The following PTPRM variants were observed in gnomAD, a reference collection of about 807,000 sequenced individuals.
PTPRM encodes the protein protein tyrosine phosphatase receptor type M, also known as receptor-type tyrosine-protein phosphatase mu.
In PTPRM, 47 loss-of-function variants were observed where a neutral mutation model predicts 186.7. That is an observed-to-expected ratio of 0.25 (90% confidence interval 0.20 to 0.32). The LOEUF (loss-of-function observed/expected upper bound fraction) is 0.32, where lower values mean the gene tolerates loss of function less well. Among genes scored for constraint, PTPRM ranks in the 10% least tolerant of loss-of-function variants. The probability of loss-of-function intolerance (pLI) is 1.00; values close to 1 mark genes in which losing one functional copy is unlikely to be tolerated. For missense variants in PTPRM, 1,494 were observed against 1,865.0 expected, an observed-to-expected ratio of 0.80 and a Z score of 3.66; for synonymous variants, 668 against 674.9, an observed-to-expected ratio of 0.99 and a Z score of 0.16.
chr18:7,628,307 C>T (rs2038109496), intron 1 of PTPRM, among the ~76,000 whole-genome samples: 1 of 151,722 alleles, frequency 6.6e-6, no homozygotes, highest in Non-Finnish European at 1.5e-5. Context: ...AATCCAGAAA[C>T]AAAAAAAGAT....
At chr18:8,352,531 A>G (rs2095539589) in intron 23 of PTPRM, among the ~76,000 whole-genome samples, 1 of 150,874 alleles carries the variant, frequency 6.6e-6, no homozygotes, top group South Asian at 2.1e-4. Flanking sequence ...AAGTGAGAAC[A>G]TAGTATATTT....
At chr18:7,622,552 A>T (rs1021262872) in intron 1 of PTPRM, among the ~76,000 whole-genome samples, 1 of 152,106 alleles carries the variant, frequency 6.6e-6, no homozygotes, top group Non-Finnish European at 1.5e-5. Context: ...ACCCTAGATA[A>T]ATACCTTGGG....
chr18:8,285,605 C>T (rs562477830), intron 19 of PTPRM, among the ~76,000 whole-genome samples: 37 of 152,312 alleles, frequency 2.4e-4, no homozygotes, highest in African/African-American at 7.2e-4. Context: ...CCTCAGGCTC[C>T]GAAGTAGTCA....
intron 19 of PTPRM, among the ~76,000 whole-genome samples, chr18:8,274,423 A>G (rs970618364): frequency 2.0e-5 from 3 of 152,220 alleles, no homozygotes; most frequent in Non-Finnish European, 2.9e-5. Flanking sequence ...CCCATAAAAT[A>G]AATAAATGAT....
intron 19 of PTPRM, among the ~76,000 whole-genome samples, chr18:8,289,807 G>T (rs11876028): frequency 6.6e-6 from 1 of 151,780 alleles, no homozygotes; most frequent in Non-Finnish European, 1.5e-5. Flanking sequence ...GCAATAAAAA[G>T]TGGCCAGAGA....
At chr18:7,976,677 G>A (rs2054966683) in intron 7 of PTPRM, among the ~76,000 whole-genome samples, 1 of 152,194 alleles carries the variant, frequency 6.6e-6, no homozygotes, top group South Asian at 2.1e-4. Flanking sequence ...GCCACGAACT[G>A]TGGAAGACTA....
chr18:7,656,992 T>C (rs1214784930), intron 1 of PTPRM, among the ~76,000 whole-genome samples: 3 of 152,124 alleles, frequency 2.0e-5, no homozygotes, highest in Non-Finnish European at 4.4e-5. Flanking sequence ...GTATCTCCAT[T>C]TTCCTTTGGA....
rs1598509593 is a variant in PTPRM, at chr18:8,379,156, T to G, written c.3613-11T>G. ...CTTCTTGTCCTCATGTTCCTTTCTT[T>G]TCTCACGCAGACGCTAAACATGGTG... On this transcript the variant is annotated splice_polypyrimidine_tract_variant and intron_variant, in intron 27 of 32. Coordinates refer to ENST00000580170, the MANE Select transcript of PTPRM (RefSeq NM_001105244.2). 6.4e-7 allele frequency: 1 copy of G among 1,574,706 alleles called. No individual in the cohort carries two copies. The highest frequency in any genetic ancestry group is 8.6e-7 in the Non-Finnish European group (1 of 1,158,564).
chr18:8,156,266 A>T (rs1017184946), intron 14 of PTPRM, among the ~76,000 whole-genome samples: 7 of 152,188 alleles, frequency 4.6e-5, no homozygotes, highest in Admixed American at 3.3e-4. Flanking sequence ...ATTTTATTTT[A>T]AAAAAAGAGT....
intron 14 of PTPRM, among the ~76,000 whole-genome samples, chr18:8,156,649 A>G (rs906182894): frequency 4.6e-5 from 7 of 152,200 alleles, no homozygotes; most frequent in African/African-American, 1.7e-4. Context: ...ACCCTGGCTC[A>G]GGCAAGTAAA....
At chr18:7,713,452 C>T (rs1182712591) in intron 1 of PTPRM, among the ~76,000 whole-genome samples, 4 of 152,118 alleles carry the variant, frequency 2.6e-5, no homozygotes, top group Non-Finnish European at 5.9e-5. Flanking sequence ...TATGAAGAAA[C>T]TGCATCAACT....
At chr18:7,645,213 G>A (rs1356323197) in intron 1 of PTPRM, among the ~76,000 whole-genome samples, 1 of 152,086 alleles carries the variant, frequency 6.6e-6, no homozygotes, top group African/African-American at 2.4e-5. Context: ...TAATGTAAAA[G>A]CCACCTTTTA....
chr18:7,798,762 G>C (rs983660955), intron 2 of PTPRM, among the ~76,000 whole-genome samples: 1 of 151,766 alleles, frequency 6.6e-6, no homozygotes, highest in Admixed American at 6.6e-5. Context: ...TTTGCTTCCT[G>C]CTAACTTCCA....
chr18:7,852,189 G>T (rs544612905), intron 2 of PTPRM, among the ~76,000 whole-genome samples: 3 of 152,050 alleles, frequency 2.0e-5, no homozygotes, highest in Non-Finnish European at 4.4e-5. Context: ...TATTTCAAAG[G>T]CAAAGATTGT....
chr18:7,667,882 T>C (rs552731653), intron 1 of PTPRM, among the ~76,000 whole-genome samples: 1 of 152,216 alleles, frequency 6.6e-6, no homozygotes, highest in East Asian at 1.9e-4. Context: ...GGTATAATTA[T>C]TCAGTGAAAT....
intron 1 of PTPRM, among the ~76,000 whole-genome samples, chr18:7,612,785 C>T (rs913529909): frequency 2.0e-5 from 3 of 152,112 alleles, no homozygotes; most frequent in Non-Finnish European, 4.4e-5. Context: ...GGTGTAATTT[C>T]TTTTAGCATT....
At chr18:7,620,203 C>T (rs1481370980) in intron 1 of PTPRM, among the ~76,000 whole-genome samples, 1 of 152,194 alleles carries the variant, frequency 6.6e-6, no homozygotes, top group Non-Finnish European at 1.5e-5. Flanking sequence ...CTGGCTGCTA[C>T]ACAGGAACCA....
At chr18:8,206,938 G>C (rs1182036817) in intron 14 of PTPRM, among the ~76,000 whole-genome samples, 1 of 152,064 alleles carries the variant, frequency 6.6e-6, no homozygotes, top group Non-Finnish European at 1.5e-5. Flanking sequence ...AGATTGGAGG[G>C]GTCCTGCCAC....
intron 28 of PTPRM, among the ~76,000 whole-genome samples, chr18:8,379,768 A>G (rs1311582362): frequency 6.6e-6 from 1 of 152,232 alleles, no homozygotes; most frequent in Non-Finnish European, 1.5e-5. Flanking sequence ...CGTTGATGCA[A>G]AGAGTGAATG....
Sources: allele counts gnomAD v4.1 joint callset (sites outside exome capture counted in the v4.1 genomes callset), GRCh38; gene constraint gnomAD v4.1.1; transcripts MANE v1.5; gene names NCBI Gene and HGNC (gene_info 2026-07-23, HGNC 2026-07-21).